The following GATAD2B variants were observed in gnomAD, a reference collection of about 807,000 sequenced individuals.
The protein encoded by GATAD2B is GATA zinc finger domain containing 2B, also known as transcriptional repressor p66-beta.
Under a neutral mutation model 64.3 loss-of-function variants are expected in GATAD2B, and 8 were observed. The observed-to-expected ratio is 0.12, with a 90% CI of 0.07 to 0.22. The LOEUF (loss-of-function observed/expected upper bound fraction) is 0.22, where lower values mean the gene tolerates loss of function less well. Among genes scored for constraint, GATAD2B ranks in the 10% least tolerant of loss-of-function variants. The pLI, the probability that GATAD2B is intolerant of heterozygous loss-of-function variation, is 1.00. For synonymous variants in GATAD2B, 281 were observed against 271.3 expected, an observed-to-expected ratio of 1.04 and a Z score of -0.35; for missense variants, 453 against 752.0, an observed-to-expected ratio of 0.60 and a Z score of 4.65.
intron 2 of GATAD2B, 134 bp from the exon 3 acceptor site, chr1:153,819,869 C>T (rs751496848): frequency 1.0e-4 from 61 of 590,712 alleles, no homozygotes; most frequent in Non-Finnish European, 1.6e-4. Flanking sequence ...GAGACCGAGG[C>T]GGGTGGAACA....
At chr1:153,895,993 TAA>T (rs376526598) in intron 1 of GATAD2B, among the ~76,000 whole-genome samples, 6 of 128,596 alleles carry the variant, frequency 4.7e-5, no homozygotes, top group African/African-American at 3.0e-5. Context: ...GACTCTGTCT[TAA>T]AAAAAAAAAA....
chr1:153,867,184 G>C (rs992722061), intron 1 of GATAD2B, among the ~76,000 whole-genome samples: 1 of 152,072 alleles, frequency 6.6e-6, no homozygotes, highest in African/African-American at 2.4e-5. Flanking sequence ...GTGTGGTATG[G>C]GAACGCTACT....
At chr1:153,904,962 C>T (rs1285053077) in intron 1 of GATAD2B, among the ~76,000 whole-genome samples, 1 of 151,260 alleles carries the variant, frequency 6.6e-6, no homozygotes, top group Non-Finnish European at 1.5e-5. Flanking sequence ...CTGCCTTGGC[C>T]TCCCGAAGTG....
chr1:153,885,067 T>A (rs1257999783), intron 1 of GATAD2B, among the ~76,000 whole-genome samples: 1 of 152,032 alleles, frequency 6.6e-6, no homozygotes, highest in East Asian at 1.9e-4. Flanking sequence ...CTGTTCTCCA[T>A]CTTCTGGATA....
At chr1:153,899,192 T>C (rs1291645363) in intron 1 of GATAD2B, among the ~76,000 whole-genome samples, 2 of 152,204 alleles carry the variant, frequency 1.3e-5, no homozygotes, top group Non-Finnish European at 2.9e-5. Context: ...AGTTCGAAGC[T>C]GCAGTGACCA....
intron 1 of GATAD2B, chr1:153,852,325 G>A: frequency 1.0e-6 from 1 of 978,064 alleles, no homozygotes. Flanking sequence ...TTCCTCAAAG[G>A]AGGCAGCATT....
intron 1 of GATAD2B, among the ~76,000 whole-genome samples, chr1:153,885,441 G>T (rs1485417914): frequency 6.6e-6 from 1 of 152,092 alleles, no homozygotes; most frequent in Admixed American, 6.6e-5. Context: ...TAAAAAAGGG[G>T]CTGGGCATGG....
At chr1:153,840,583 C>A (rs1182629236) in intron 1 of GATAD2B, among the ~76,000 whole-genome samples, 1 of 150,188 alleles carries the variant, frequency 6.7e-6, no homozygotes, top group Non-Finnish European at 1.5e-5. Context: ...GTGATCCACC[C>A]GCCTCAGCCT....
intron 2 of GATAD2B, among the ~76,000 whole-genome samples, chr1:153,821,151 T>G (rs1674671348): frequency 6.6e-6 from 1 of 151,786 alleles, no homozygotes. Context: ...CTGGCTAATT[T>G]TTTATTTTTT....
intron 1 of GATAD2B, among the ~76,000 whole-genome samples, chr1:153,832,043 C>T (rs1016393618): frequency 1.3e-5 from 2 of 152,076 alleles, no homozygotes; most frequent in Admixed American, 6.6e-5. Flanking sequence ...GGTGAAACCC[C>T]GTCTCTACTA....
intron 7 of GATAD2B, among the ~76,000 whole-genome samples, chr1:153,815,323 A>G (rs962849937): frequency 7.4e-5 from 11 of 149,540 alleles, no homozygotes; most frequent in Non-Finnish European, 3.0e-5. Context: ...GAGAAGTTCT[A>G]TTTATCAAAT....
chr1:153,824,145 G>A (rs1261375506), intron 2 of GATAD2B, among the ~76,000 whole-genome samples: 2 of 152,200 alleles, frequency 1.3e-5, no homozygotes, highest in African/African-American at 4.8e-5. Context: ...GGGTACAGCG[G>A]CCCATGCCTA....
chr1:153,853,142 A>T, intron 1 of GATAD2B: 2 of 1,428,444 alleles, frequency 1.4e-6, no homozygotes, highest in Non-Finnish European at 2.0e-6. Context: ...GTCTCTCCTC[A>T]ATCCTGTCTA....
intron 1 of GATAD2B, among the ~76,000 whole-genome samples, chr1:153,841,717 C>T (rs907163141): frequency 1.3e-5 from 2 of 151,978 alleles, no homozygotes; most frequent in African/African-American, 4.8e-5. Context: ...AGTTGTTTTC[C>T]GTTTTTGGCT....
chr1:153,904,271 C>T (rs570668918), intron 1 of GATAD2B, among the ~76,000 whole-genome samples: 3 of 149,908 alleles, frequency 2.0e-5, no homozygotes, highest in South Asian at 4.2e-4. Flanking sequence ...AACACTGAAA[C>T]TCCATCTCAA....
intron 1 of GATAD2B, among the ~76,000 whole-genome samples, chr1:153,869,291 CA>C (rs58795446): frequency 1.9e-4 from 28 of 144,042 alleles, no homozygotes; most frequent in Middle Eastern, 3.5e-3. Flanking sequence ...GACTATATCT[CA>C]AAAAAAAAAA....
intron 1 of GATAD2B, among the ~76,000 whole-genome samples, chr1:153,855,925 C>A (rs1676070648): frequency 6.6e-6 from 1 of 152,014 alleles, no homozygotes; most frequent in Admixed American, 6.6e-5. Flanking sequence ...TCAACTGATT[C>A]ATCCGCCTTG....
At chr1:153,907,061 A>C (rs1232676722) in intron 1 of GATAD2B, among the ~76,000 whole-genome samples, 2 of 152,258 alleles carry the variant, frequency 1.3e-5, no homozygotes, top group Non-Finnish European at 2.9e-5. Context: ...AGAAATGTAA[A>C]TGATACAGTT....
chr1:153,873,146 A>T (rs2101931822), intron 1 of GATAD2B, among the ~76,000 whole-genome samples: 1 of 152,282 alleles, frequency 6.6e-6, no homozygotes, highest in South Asian at 2.1e-4. Context: ...TATTATTATG[A>T]AACTATTCTG....
Sources: allele counts gnomAD v4.1 joint callset (sites outside exome capture counted in the v4.1 genomes callset), GRCh38; gene constraint gnomAD v4.1.1; transcripts MANE v1.5; gene names NCBI Gene and HGNC (gene_info 2026-07-23, HGNC 2026-07-21).